Variants in CUL4A observed in about 807,000 individuals in gnomAD.
The protein encoded by CUL4A is cullin-4A.
A neutral mutation model predicts 95.5 loss-of-function variants in CUL4A; 16 were observed. That is an observed-to-expected ratio of 0.17 (90% confidence interval 0.11 to 0.25). The LOEUF is 0.25. CUL4A is among the 10% of genes least tolerant of loss of function. The pLI is 1.00. For synonymous variants in CUL4A, 380 were observed against 353.1 expected (o/e 1.08, Z -0.85); for missense variants, 610 against 937.0 (o/e 0.65, Z 4.56).
intron 18 of CUL4A, among the ~76,000 whole-genome samples, chr13:113,258,455 A>G (rs957691041): frequency 6.6e-6 from 1 of 152,182 alleles, no homozygotes. Flanking sequence ...AAATCTTGTG[A>G]TTCATACATA....
chr13:113,219,175 T>C (rs1332144888), intron 3 of CUL4A, 127 bp downstream of exon 3: 1 of 544,966 alleles, frequency 1.8e-6, no homozygotes, highest in Non-Finnish European at 3.1e-6. Context: ...TTCTCTTTTA[T>C]TTGATAGGTT....
intron 2 of CUL4A, among the ~76,000 whole-genome samples, chr13:113,214,020 G>A (rs1054234588): frequency 6.6e-6 from 1 of 152,212 alleles, no homozygotes; most frequent in Non-Finnish European, 1.5e-5. Context: ...TTGACTTGGT[G>A]TTTCAAAATA....
At chr13:113,252,376 A>C (rs2042017128) in intron 15 of CUL4A, among the ~76,000 whole-genome samples, 1 of 152,020 alleles carries the variant, frequency 6.6e-6, no homozygotes, top group Non-Finnish European at 1.5e-5. Flanking sequence ...CTCTACAACA[A>C]CAACAACAAC....
rs940668214 is a variant in CUL4A at position 113,265,187 on chromosome 13, TACCACA to T, written c.*1607_*1612del. 2.0e-5 allele frequency: 3 copies of T among 152,212 alleles called. No individual in the cohort carries two copies. Among genetic ancestry groups the T allele is most frequent in the Non-Finnish European group, 1.5e-5 (1 of 68,034 alleles). 9.4% of individuals were successfully genotyped at this position (152,212 alleles called of 1,614,324 possible). On this transcript the variant is annotated 3_prime_UTR_variant, in exon 20 of 20. Coordinates refer to ENST00000375440, the MANE Select transcript of CUL4A (RefSeq NM_001008895.4). ...GTGATTATTCTTTCCTGGCCACCTCTACCACAAAATACCAGTGGGGCCAGGTAGTGA... is the reference window on the plus strand; with the variant it reads ...GTGATTATTCTTTCCTGGCCACCTCTAAATACCAGTGGGGCCAGGTAGTGA...
rs1319782511 is a variant in CUL4A at position 113,210,238 on chromosome 13, C to T, written c.264+150C>T. 10 of 517,450 alleles carry T rather than the reference C, an allele frequency of 1.9e-5. No individual in the cohort carries two copies. The East Asian group carries it at 3.6e-4, about 19-fold the overall frequency. The allele number at this position is 517,450 out of a possible 1,614,324, so 32.1% of individuals were successfully genotyped here. A position where few individuals can be genotyped will look rare whatever the true frequency, so the allele number is the denominator to read the frequency against. On this transcript the variant is annotated intron_variant, in intron 2 of 19. Coordinates refer to ENST00000375440, the MANE Select transcript of CUL4A (RefSeq NM_001008895.4). ...ACTGCAGGGCCGGGAGCCCCAGAGGCAACAAGTGGTTTTGTTTATTGCCGT... is the reference window on the plus strand; with the variant it reads ...ACTGCAGGGCCGGGAGCCCCAGAGGTAACAAGTGGTTTTGTTTATTGCCGT...
chr13:113,232,035 G>GCTGCCACCACTACCTGCCCACCACCATTA (rs2041336563), intron 5 of CUL4A, among the ~76,000 whole-genome samples: 1 of 70,628 alleles, frequency 1.4e-5, no homozygotes, highest in African/African-American at 5.7e-5. Flanking sequence ...CACCATTACT[G>GCTGCCACCACTACCTGCCCACCACCATTA]CTGCCACCAC....
chr13:113,260,781 T>C (rs2042254705), intron 19 of CUL4A, 22 bp downstream of exon 19: 1 of 1,508,812 alleles, frequency 6.6e-7, no homozygotes, highest in Admixed American at 2.0e-5. Flanking sequence ...ATTAGCATAA[T>C]TAAATTTGTA....
At chr13:113,235,857 G>T (rs2139201148) in intron 8 of CUL4A, among the ~76,000 whole-genome samples, 1 of 152,110 alleles carries the variant, frequency 6.6e-6, no homozygotes, top group African/African-American at 2.4e-5. Flanking sequence ...TATAGTCCCA[G>T]CTACTTGGGA....
At position 113,235,223 on chromosome 13, in the gene CUL4A, G is replaced by C. The variant is rs1325587434; in HGVS notation, c.848+78G>C. On this transcript the variant is annotated intron_variant, in intron 8 of 19. Transcript: ENST00000375440. ...TCTCCTGGCTGGTTATTGAAATAAA[G>C]GGTGTCTTTGTCAATTCATTCAGTA... The C allele has an allele frequency of 4.1e-6, 4 of 975,602 alleles. No individual in the cohort carries two copies. In the East Asian group the frequency reaches 7.2e-5, roughly 18 times the overall value. 60.4% of individuals were successfully genotyped at this position (975,602 alleles called of 1,614,324 possible).
chr13:113,244,094 G>A (rs760043946), intron 11 of CUL4A: 5 of 219,154 alleles, frequency 2.3e-5, no homozygotes, highest in Admixed American at 1.1e-4. Context: ...TCCAGCGTCC[G>A]GGGCAGTCAC....
chr13:113,212,734 G>A (rs529302873), intron 2 of CUL4A, among the ~76,000 whole-genome samples: 2 of 152,296 alleles, frequency 1.3e-5, no homozygotes, highest in East Asian at 1.9e-4. Context: ...GCAGTGAGCC[G>A]AGGTTGTGCC....
chr13:113,245,262 C>T (rs148006846), intron 14 of CUL4A, 25 bp downstream of exon 14: 80 of 1,606,902 alleles, frequency 5.0e-5, no homozygotes, highest in African/African-American at 4.5e-4. Context: ...TTAGGTAAAG[C>T]GGCTTTTTAA....
intron 6 of CUL4A, among the ~76,000 whole-genome samples, chr13:113,233,587 C>T (rs1036423740): frequency 1.3e-5 from 2 of 152,184 alleles, no homozygotes; most frequent in African/African-American, 4.8e-5. Context: ...ATAAAATGCA[C>T]GTTTTTCATG....
At chr13:113,250,001 A>G (rs1040688915) in intron 15 of CUL4A, among the ~76,000 whole-genome samples, 4 of 152,196 alleles carry the variant, frequency 2.6e-5, no homozygotes, top group Non-Finnish European at 4.4e-5. Context: ...GACCCTTATC[A>G]GATCTGTGAT....
chr13:113,216,283 AT>A (rs1367615569), intron 2 of CUL4A, among the ~76,000 whole-genome samples: 1 of 152,234 alleles, frequency 6.6e-6, no homozygotes, highest in Admixed American at 6.5e-5. Context: ...GATTGCCCTT[AT>A]CCGCAGTGAG....
chr13:113,260,872 G>C (rs1353592294), intron 19 of CUL4A, 113 bp downstream of exon 19: 9 of 820,054 alleles, frequency 1.1e-5, no homozygotes, highest in Non-Finnish European at 1.7e-5. Flanking sequence ...ATGGTGCTTT[G>C]TGTATACACT....
At chr13:113,212,505 G>A (rs182647382) in intron 2 of CUL4A, among the ~76,000 whole-genome samples, 13 of 152,222 alleles carry the variant, frequency 8.5e-5, no homozygotes, top group African/African-American at 2.6e-4. Context: ...AGTCAGAGTC[G>A]GGTGCAGTGG....
chr13:113,211,908 A>T (rs769244275), intron 2 of CUL4A, among the ~76,000 whole-genome samples: 4 of 150,878 alleles, frequency 2.7e-5, no homozygotes, highest in Admixed American at 6.6e-5. Flanking sequence ...CTCCGGTTCC[A>T]CTCCGCCACC....
At chr13:113,253,372 A>G (rs1178901967) in intron 16 of CUL4A, among the ~76,000 whole-genome samples, 177 bp downstream of exon 16, 1 of 152,184 alleles carries the variant, frequency 6.6e-6, no homozygotes, top group Non-Finnish European at 1.5e-5. Flanking sequence ...AAAAATTCTT[A>G]AGAAATCAAT....
Sources: gnomAD v4.1 joint callset for allele counts (sites outside exome capture counted in the v4.1 genomes callset) on GRCh38, gnomAD v4.1.1 for gene constraint, MANE v1.5 for transcripts, NCBI Gene and HGNC (gene_info 2026-07-23, HGNC 2026-07-21) for gene names.